The following GAPVD1 variants were observed in gnomAD, a reference collection of about 807,000 sequenced individuals.
GAPVD1 encodes GTPase-activating protein and VPS9 domain-containing protein 1.
A neutral mutation model predicts 155.5 loss-of-function variants in GAPVD1; 35 were observed. The observed-to-expected ratio is 0.23, with a 90% CI of 0.17 to 0.30. The LOEUF (loss-of-function observed/expected upper bound fraction) is 0.30, where lower values mean the gene tolerates loss of function less well. Among genes scored for constraint, GAPVD1 ranks in the 10% least tolerant of loss-of-function variants. The probability of loss-of-function intolerance (pLI) is 1.00; values close to 1 mark genes in which losing one functional copy is unlikely to be tolerated. For missense variants in GAPVD1, 1,429 were observed against 1,775.7 expected (o/e 0.80, Z 3.51); for synonymous variants, 636 against 619.7 (o/e 1.03, Z -0.39).
At chr9:125,267,532 C>T (rs533768218) in intron 1 of GAPVD1, among the ~76,000 whole-genome samples, 58 of 152,222 alleles carry the variant, frequency 3.8e-4, no homozygotes, top group South Asian at 1.2e-3. Context: ...GCCTCAGCCT[C>T]GCGAGTAGCT....
intron 15 of GAPVD1, among the ~76,000 whole-genome samples, chr9:125,332,894 A>C (rs112331568): frequency 2.0e-4 from 31 of 152,356 alleles, no homozygotes; most frequent in African/African-American, 6.7e-4. Context: ...TATTGGCAGA[A>C]AACTAGAAAT....
At chr9:125,345,699 TAAC>T (rs897029264) in intron 19 of GAPVD1, among the ~76,000 whole-genome samples, 3 of 152,208 alleles carry the variant, frequency 2.0e-5, no homozygotes, top group South Asian at 2.1e-4. Context: ...ATGAGGATGA[TAAC>T]AACGTTTCTC....
At chr9:125,312,012 A>G (rs758095373) in intron 8 of GAPVD1, among the ~76,000 whole-genome samples, 2 of 152,138 alleles carry the variant, frequency 1.3e-5, no homozygotes, top group Non-Finnish European at 2.9e-5. Context: ...AATCCCTCAT[A>G]TGAAATTTTC....
At chr9:125,282,295 A>C (rs909189441) in intron 2 of GAPVD1, among the ~76,000 whole-genome samples, 37 of 152,152 alleles carry the variant, frequency 2.4e-4, no homozygotes, top group African/African-American at 8.9e-4. Flanking sequence ...AAAATAAATA[A>C]AAAGTTTTAA....
intron 17 of GAPVD1, among the ~76,000 whole-genome samples, chr9:125,338,925 A>C (rs1416686479): frequency 6.8e-6 from 1 of 146,330 alleles, no homozygotes; most frequent in African/African-American, 2.6e-5. Context: ...TCTTTTAAAA[A>C]AATTTGTGTG....
intron 8 of GAPVD1, among the ~76,000 whole-genome samples, chr9:125,311,962 C>T (rs1842740930): frequency 6.6e-6 from 1 of 152,100 alleles, no homozygotes; most frequent in Admixed American, 6.6e-5. Context: ...TCAGGCAATC[C>T]ACCTGCCTCA....
chr9:125,350,604 G>A, intron 22 of GAPVD1, 109 bp from the exon 23 acceptor site: 1 of 730,276 alleles, frequency 1.4e-6, no homozygotes. Flanking sequence ...ATACAGCTTA[G>A]TTCTAATGAT....
At chr9:125,272,249 C>A (rs535843524) in intron 2 of GAPVD1, among the ~76,000 whole-genome samples, 102 of 152,220 alleles carry the variant, frequency 6.7e-4, no homozygotes, top group African/African-American at 2.4e-3. Flanking sequence ...GTCTTGAACT[C>A]CTGACCTCGT....
chr9:125,314,396 C>G (rs1843095676), intron 9 of GAPVD1, among the ~76,000 whole-genome samples: 1 of 152,136 alleles, frequency 6.6e-6, no homozygotes, highest in African/African-American at 2.4e-5. Flanking sequence ...TGGCTCACAC[C>G]TATAATCCCA....
intron 8 of GAPVD1, 102 bp from the exon 9 acceptor site, chr9:125,312,350 G>A (rs778158585): frequency 5.5e-6 from 4 of 726,368 alleles, no homozygotes; most frequent in Non-Finnish European, 8.8e-6. Context: ...TCTTGTGCAT[G>A]TGCAAATGTT....
At chr9:125,334,313 T>C (rs1846548363) in intron 15 of GAPVD1, among the ~76,000 whole-genome samples, 2 of 151,992 alleles carry the variant, frequency 1.3e-5, no homozygotes, top group Non-Finnish European at 2.9e-5. Context: ...GGAATGTCTT[T>C]GATGAAGGAA....
Position 125,362,634 on chromosome 9 carries a change from T to G in GAPVD1, c.4271T>G (p.Val1424Gly). The stretch of plus-strand genomic sequence containing the variant: ...AATCCACCCTGTTTGCTGTCTACTG[T>G]GCAGTATATCAGTAGCTTTTATGCT... ...KANPPCLLST[V>G]QYISSFYASC... Residue 1424 changes from valine (V) to glycine (G), a missense_variant, in exon 28 of 28, where the codon GTG (valine) becomes GGG (glycine). Physicochemically the swap from Val to Gly is moderately radical, Grantham distance 109. Coordinates refer to ENST00000297933, the MANE Select transcript of GAPVD1 (RefSeq NM_001282680.3). The G allele has an allele frequency of 6.2e-7, 1 of 1,612,334 alleles. No individual in the cohort carries two copies. The highest frequency in any genetic ancestry group is 8.5e-7 in the Non-Finnish European group (1 of 1,178,666).
At chr9:125,285,453 G>GTTT (rs10659223) in intron 2 of GAPVD1, among the ~76,000 whole-genome samples, 2,134 of 94,510 alleles carry the variant, frequency 0.023, 84 homozygotes, top group East Asian at 0.079. Context: ...TTTTTTCTTT[G>GTTT]TTTTTTTTTT....
At chr9:125,342,840 TA>T (rs1848005203) in intron 19 of GAPVD1, among the ~76,000 whole-genome samples, 1 of 152,214 alleles carries the variant, frequency 6.6e-6, no homozygotes, top group Non-Finnish European at 1.5e-5. Flanking sequence ...ATGAAAGTTT[TA>T]AAAACTTTAC....
chr9:125,345,638 C>T (rs894259050), intron 19 of GAPVD1, among the ~76,000 whole-genome samples: 1 of 152,098 alleles, frequency 6.6e-6, no homozygotes, highest in East Asian at 1.9e-4. Context: ...AAAGAAGAGC[C>T]GATGAGCATG....
chr9:125,271,866 A>G (rs1270439603), intron 2 of GAPVD1, among the ~76,000 whole-genome samples: 1 of 152,074 alleles, frequency 6.6e-6, no homozygotes, highest in Non-Finnish European at 1.5e-5. Flanking sequence ...ATTCTAATCT[A>G]TCCCTTTGTT....
At chr9:125,335,381 T>C (rs1846745020) in intron 15 of GAPVD1, 3 of 468,892 alleles carry the variant, frequency 6.4e-6, no homozygotes, top group Non-Finnish European at 3.8e-6. Context: ...TTTTTCTTTT[T>C]TTTTTTAAAA....
intron 2 of GAPVD1, among the ~76,000 whole-genome samples, chr9:125,291,018 G>A (rs536626755): frequency 6.6e-6 from 1 of 150,696 alleles, no homozygotes; most frequent in South Asian, 2.1e-4. Flanking sequence ...AAAAAGACTG[G>A]GCATAATGGC....
intron 10 of GAPVD1, among the ~76,000 whole-genome samples, chr9:125,323,346 C>T (rs941699840): frequency 2.0e-5 from 3 of 152,090 alleles, no homozygotes; most frequent in African/African-American, 7.2e-5. Flanking sequence ...CGCTCTGTCG[C>T]CCAGGCTGGA....
Sources: allele counts gnomAD v4.1 joint callset (sites outside exome capture counted in the v4.1 genomes callset), GRCh38; gene constraint gnomAD v4.1.1; transcripts MANE v1.5; gene names NCBI Gene and HGNC (gene_info 2026-07-23, HGNC 2026-07-21).